CNTN4: variants seen among roughly 807,000 people sequenced by gnomAD.
The protein encoded by CNTN4 is contactin 4.
CNTN4 carries 77 observed loss-of-function variants against 122.5 expected under a neutral mutation model. That is an observed-to-expected ratio of 0.63 (90% CI 0.52 to 0.76). The LOEUF is 0.76. Among genes scored for constraint, CNTN4 ranks in the 30% least tolerant of loss-of-function variants. The pLI is 0.00. For synonymous variants in CNTN4, 512 were observed against 447.0 expected, an observed-to-expected ratio of 1.15 and a Z score of -1.83; for missense variants, 1,256 against 1,259.1, an observed-to-expected ratio of 1.00 and a Z score of 0.04.
At chr3:2,300,393 T>G (rs1006213673) in intron 2 of CNTN4, among the ~76,000 whole-genome samples, 3 of 152,080 alleles carry the variant, frequency 2.0e-5, no homozygotes, top group African/African-American at 7.2e-5. Flanking sequence ...AAGCTTTGCA[T>G]GTTTTATCTT....
chr3:3,056,983 G>A lies in CNTN4; in HGVS notation c.*763G>A, dbSNP rs7648818. ...AGGAAGATTTTCTTTTCACTCAACTGAGTTAGCATTGTCTTTGTGGTAGCA... is the reference window on the plus strand; with the variant it reads ...AGGAAGATTTTCTTTTCACTCAACTAAGTTAGCATTGTCTTTGTGGTAGCA... On this transcript the variant is annotated 3_prime_UTR_variant, in exon 25 of 25. Coordinates refer to ENST00000418658, the MANE Select transcript of CNTN4 (RefSeq NM_175607.3). The A allele has an allele frequency of 5.2e-5, 8 of 152,594 alleles. No homozygotes were observed. Among genetic ancestry groups the A allele is most frequent in the African/African-American group, 1.7e-4 (7 of 41,428 alleles). The allele number at this position is 152,594 out of a possible 1,614,324, so 9.5% of individuals were successfully genotyped here. A position where few individuals can be genotyped will look rare whatever the true frequency, so the allele number is the denominator to read the frequency against.
chr3:2,657,727 T>C (rs2083659123), intron 4 of CNTN4, among the ~76,000 whole-genome samples: 1 of 152,090 alleles, frequency 6.6e-6, no homozygotes, highest in Admixed American at 6.5e-5. Context: ...ATATTCAAAA[T>C]GGCATATTGC....
intron 7 of CNTN4, among the ~76,000 whole-genome samples, chr3:2,821,613 G>A (rs1449155747): frequency 6.6e-6 from 1 of 152,160 alleles, no homozygotes; most frequent in Admixed American, 6.5e-5. Context: ...ACTAGTAAGG[G>A]AGAACATGGA....
chr3:2,953,083 T>C (rs1454626907), intron 13 of CNTN4, among the ~76,000 whole-genome samples: 1 of 152,192 alleles, frequency 6.6e-6, no homozygotes, highest in East Asian at 1.9e-4. Flanking sequence ...GTAGGTTATT[T>C]GACTTCAAAA....
At chr3:2,227,599 C>T (rs138085473) in intron 2 of CNTN4, among the ~76,000 whole-genome samples, 80 of 152,230 alleles carry the variant, frequency 5.3e-4, no homozygotes, top group African/African-American at 9.1e-4. Flanking sequence ...TTTAATGCTG[C>T]GGCACAGATT....
chr3:2,905,899 C>A (rs2094225389), intron 12 of CNTN4, among the ~76,000 whole-genome samples: 2 of 152,198 alleles, frequency 1.3e-5, no homozygotes, highest in African/African-American at 4.8e-5. Context: ...GGATAGTTTC[C>A]TGCACATAGA....
At chr3:2,456,024 C>T (rs568397676) in intron 3 of CNTN4, among the ~76,000 whole-genome samples, 1 of 152,088 alleles carries the variant, frequency 6.6e-6, no homozygotes, top group Non-Finnish European at 1.5e-5. Context: ...TTAATCCATA[C>T]TGTAGACAGG....
chr3:2,391,275 G>T (rs1248147472), intron 3 of CNTN4, among the ~76,000 whole-genome samples: 1 of 152,166 alleles, frequency 6.6e-6, no homozygotes, highest in African/African-American at 2.4e-5. Flanking sequence ...GTGTGTTAGA[G>T]TCATTTGGTG....
intron 13 of CNTN4, among the ~76,000 whole-genome samples, chr3:2,982,324 A>T (rs774591520): frequency 6.6e-6 from 1 of 152,206 alleles, no homozygotes; most frequent in Non-Finnish European, 1.5e-5. Flanking sequence ...GAACAAGTTC[A>T]GCAATTTCTT....
At chr3:2,932,754 A>AG (rs566603565) in intron 13 of CNTN4, among the ~76,000 whole-genome samples, 5 of 152,022 alleles carry the variant, frequency 3.3e-5, no homozygotes, top group African/African-American at 1.2e-4. Flanking sequence ...CAAGCAAGAG[A>AG]GAAAAAAAAG....
chr3:2,172,978 A>G (rs1177613337), intron 2 of CNTN4, among the ~76,000 whole-genome samples: 2 of 152,214 alleles, frequency 1.3e-5, no homozygotes, highest in Non-Finnish European at 2.9e-5. Context: ...TATTGGCACT[A>G]CAGATCAGAA....
At chr3:2,254,929 G>C (rs1389218043) in intron 2 of CNTN4, among the ~76,000 whole-genome samples, 2 of 151,978 alleles carry the variant, frequency 1.3e-5, no homozygotes, top group Admixed American at 1.3e-4. Flanking sequence ...GTTGCCGTTG[G>C]TTTTGGTGTT....
intron 3 of CNTN4, among the ~76,000 whole-genome samples, chr3:2,514,175 C>T (rs1328413253): frequency 1.3e-5 from 2 of 152,078 alleles, no homozygotes; most frequent in African/African-American, 4.8e-5. Context: ...TTTGTTTGAC[C>T]CCAGAGCTGC....
At chr3:2,922,160 A>G (rs781031435) in intron 12 of CNTN4, among the ~76,000 whole-genome samples, 3 of 152,212 alleles carry the variant, frequency 2.0e-5, no homozygotes, top group African/African-American at 7.2e-5. Context: ...GCAATTTGAC[A>G]GTTCTGAGCT....
At chr3:3,034,321 T>A (rs974896585) in intron 16 of CNTN4, among the ~76,000 whole-genome samples, 1 of 152,230 alleles carries the variant, frequency 6.6e-6, no homozygotes, top group Non-Finnish European at 1.5e-5. Flanking sequence ...TTAATGAATG[T>A]GGGCTCTTAT....
At position 2,889,834 on chromosome 3, in the gene CNTN4, G is replaced by A. The variant is rs138801257; in HGVS notation, c.940+2610G>A. Reference sequence around the variant, plus strand: ...GGGTCGGCATACTGCTTTCCTGTGGGTTAGAGGTTTCCTGCACTGGAAATA... The same window carrying A: ...GGGTCGGCATACTGCTTTCCTGTGGATTAGAGGTTTCCTGCACTGGAAATA... On this transcript the variant is annotated intron_variant, in intron 10 of 24. Transcript: ENST00000418658. 8.7e-4 allele frequency among the ~76,000 whole-genome samples: 132 copies of A among 152,252 alleles called. 1 individual carries two copies. Among genetic ancestry groups the A allele is most frequent in the Non-Finnish European group, 1.7e-3 (116 of 68,028 alleles).
At chr3:2,470,658 A>C (rs1435308957) in intron 3 of CNTN4, among the ~76,000 whole-genome samples, 3 of 152,152 alleles carry the variant, frequency 2.0e-5, no homozygotes, top group Non-Finnish European at 4.4e-5. Flanking sequence ...TCTCTCTCAT[A>C]TTCTTTTGAA....
intron 3 of CNTN4, among the ~76,000 whole-genome samples, chr3:2,431,157 C>T (rs1334482108): frequency 2.0e-5 from 3 of 152,110 alleles, no homozygotes; most frequent in African/African-American, 2.4e-5. Flanking sequence ...CATGAATAAT[C>T]TAATATTCTA....
At chr3:2,484,203 A>G (rs1456243049) in intron 3 of CNTN4, among the ~76,000 whole-genome samples, 1 of 152,250 alleles carries the variant, frequency 6.6e-6, no homozygotes, top group Non-Finnish European at 1.5e-5. Context: ...ATATGAAAAG[A>G]TGCTACACAC....
Sources: gnomAD v4.1 joint callset for allele counts (sites outside exome capture counted in the v4.1 genomes callset) on GRCh38, gnomAD v4.1.1 for gene constraint, MANE v1.5 for transcripts, NCBI Gene and HGNC (gene_info 2026-07-23, HGNC 2026-07-21) for gene names.